The following NCOR2 variants were observed in gnomAD, a reference collection of about 807,000 sequenced individuals.
The protein encoded by NCOR2 is CTG repeat protein 26.
In NCOR2, 81 loss-of-function variants were observed where a neutral mutation model predicts 262.9. The observed-to-expected ratio is 0.31, with a 90% confidence interval of 0.26 to 0.37. The LOEUF is 0.37. Among genes scored for constraint, NCOR2 ranks in the 10% least tolerant of loss-of-function variants. The pLI is 1.00. For synonymous variants in NCOR2, 1,659 were observed against 1,559.3 expected, an observed-to-expected ratio of 1.06 and a Z score of -1.51; for missense variants, 3,385 against 3,621.4, an observed-to-expected ratio of 0.93 and a Z score of 1.68.
In NCOR2 at chr12:124,457,480, G is replaced by A. The variant is rs116978434; in HGVS notation, c.706-318C>T. ...CCCAGGGCCCAGCGACGTGGGCACCGCTCCCCACCAGCCCAGCCGACACTG... is the reference window on the plus strand; with the variant it reads ...CCCAGGGCCCAGCGACGTGGGCACCACTCCCCACCAGCCCAGCCGACACTG... On this transcript the variant is annotated intron_variant, in intron 5 of 46. Transcript: ENST00000405201. This position sits in a 1 kb window ranked among gnomAD's most constrained non-coding sequence, Gnocchi z 4.0. Among the ~76,000 whole-genome samples, 994 of 152,146 alleles carry A rather than the reference G, an allele frequency of 6.5e-3. 28 individuals carry two copies. In the East Asian group the frequency reaches 0.077, roughly 12 times the overall value.
At position 124,482,892 on chromosome 12, in the gene NCOR2, G is replaced by A. The variant is rs1044281596; in HGVS notation, c.411+704C>T. ...CGGTGGCCCAAGGAGCAGCCAGACT[G>A]GGCAGTAGAAGGCGGCTTTGTCATT... On this transcript the variant is annotated intron_variant, in intron 3 of 46. Coordinates refer to ENST00000405201, the Ensembl canonical transcript of NCOR2. The surrounding 1 kb of genome is among the most constrained non-coding windows in gnomAD (Gnocchi z 6.3). Among the ~76,000 whole-genome samples, 6 of 152,192 alleles carry A rather than the reference G, an allele frequency of 3.9e-5. No individual in the cohort carries two copies. Among genetic ancestry groups the A allele is most frequent in the Non-Finnish European group, 7.4e-5 (5 of 68,012 alleles).
chr12:124,352,004 G>A (rs1053235352), intron 27 of NCOR2, among the ~76,000 whole-genome samples: 1 of 152,168 alleles, frequency 6.6e-6, no homozygotes, highest in Non-Finnish European at 1.5e-5. Context: ...TGGTCTTTGC[G>A]GAGGGCAACA....
chr12:124,378,958 C>T lies in NCOR2; in HGVS notation c.2020-574G>A, dbSNP rs1020836552. On this transcript the variant is annotated intron_variant, in intron 17 of 46. Transcript: ENST00000405201. This position sits in a 1 kb window ranked among gnomAD's most constrained non-coding sequence, Gnocchi z 4.2. ...GCCCTGCCGCTGGGGAGACTGGCAA[C>T]GTGCTCCTCACACAGAAGCAGCACT... Among the ~76,000 whole-genome samples, 1 of 26,524 alleles carries T rather than the reference C, an allele frequency of 3.8e-5. No homozygotes were observed. Among genetic ancestry groups the T allele is most frequent in the African/African-American group, 8.9e-5 (1 of 11,254 alleles). The allele number at this position is 26,524 out of a possible 152,430, so 17.4% of individuals were successfully genotyped here. A position where few individuals can be genotyped will look rare whatever the true frequency, so the allele number is the denominator to read the frequency against.
rs896684336 is a variant in NCOR2, at chr12:124,344,768, C to A, written c.4543G>T (p.Ala1515Ser). The A allele has an allele frequency of 1.5e-5, 24 of 1,549,336 alleles. No homozygotes were observed. Among genetic ancestry groups the A allele is most frequent in the East Asian group, 4.9e-5 (2 of 40,992 alleles). The change falls in exon 32 of 47, where the codon GCC (alanine) becomes TCC (serine). Residue 1515 changes from alanine (A) to serine (S), a missense_variant. Coordinates refer to ENST00000405201, the Ensembl canonical transcript of NCOR2. ...GCAATGGAGCCCCCCGAGCTGCTGG[C>A]GGTCCCTGGCCGGCTCTTCAGGCTC...
At chr12:124,417,014 C>T (rs1418519501) in intron 13 of NCOR2, among the ~76,000 whole-genome samples, 1 of 152,176 alleles carries the variant, frequency 6.6e-6, no homozygotes, top group African/African-American at 2.4e-5. Context: ...ACATTCGCTC[C>T]GCCCAGAGCA....
chr12:124,330,172 C>T (rs1049250752), intron 44 of NCOR2, among the ~76,000 whole-genome samples: 6 of 152,210 alleles, frequency 3.9e-5, no homozygotes, highest in African/African-American at 9.6e-5. Context: ...CAGAGGCAGC[C>T]GACCCCAAAA....
chr12:124,450,254 C>A (rs906441335), intron 6 of NCOR2, among the ~76,000 whole-genome samples: 1 of 152,226 alleles, frequency 6.6e-6, no homozygotes, highest in Non-Finnish European at 1.5e-5. Flanking sequence ...TGGAAACGCG[C>A]GTCCCAACGC....
At chr12:124,400,710 C>T (rs367627827) in intron 14 of NCOR2, 37 bp from the exon 17 acceptor site, 8 of 1,602,172 alleles carry the variant, frequency 5.0e-6, no homozygotes, top group Admixed American at 1.7e-5. Context: ...TGGCTTCACC[C>T]GAGCCGGGAA....
intron 17 of NCOR2, 24 bp downstream of exon 19, chr12:124,385,721 G>T: frequency 6.2e-7 from 1 of 1,611,294 alleles, no homozygotes; most frequent in Non-Finnish European, 8.5e-7. Flanking sequence ...CCAGAGGCGC[G>T]GTGCAGCGTG....
At chr12:124,416,699 C>T (rs1236530479) in intron 13 of NCOR2, among the ~76,000 whole-genome samples, 3 of 140,442 alleles carry the variant, frequency 2.1e-5, no homozygotes, top group Non-Finnish European at 4.7e-5. Flanking sequence ...GGAGTCCCCG[C>T]GGCACAGATA....
upstream of NCOR2, among the ~76,000 whole-genome samples, chr12:124,497,695 A>G (rs2048447581): frequency 1.3e-5 from 2 of 152,230 alleles, no homozygotes; most frequent in Non-Finnish European, 2.9e-5. The surrounding 1 kb of genome is among the most constrained non-coding windows in gnomAD (Gnocchi z 4.2). Flanking sequence ...GGACCCCAGG[A>G]AAGGCCGGGT....
At chr12:124,515,437 C>G (rs550862488) in intron 1 of NCOR2, among the ~76,000 whole-genome samples, 1 of 152,106 alleles carries the variant, frequency 6.6e-6, no homozygotes, top group African/African-American at 2.4e-5. Context: ...CCAGCCTCCC[C>G]CAAGAATAAC....
At chr12:124,358,672 G>A (rs868271768) in intron 22 of NCOR2, among the ~76,000 whole-genome samples, 2 of 152,198 alleles carry the variant, frequency 1.3e-5, no homozygotes, top group Non-Finnish European at 2.9e-5. Context: ...ATACTTAGCC[G>A]AGTCAGGATC....
intron 18 of NCOR2, among the ~76,000 whole-genome samples, chr12:124,374,908 C>G (rs1033629816): frequency 2.6e-5 from 4 of 152,228 alleles, no homozygotes; most frequent in Non-Finnish European, 5.9e-5. Context: ...ATTGCCCCCC[C>G]ACCAACCCTC....
intron 38 of NCOR2, chr12:124,336,146 TG>T: frequency 6.1e-6 from 1 of 163,094 alleles, no homozygotes; most frequent in Non-Finnish European, 1.3e-5. Context: ...GTACAGGGGC[TG>T]GGGACAGGGC....
Position 124,504,668 on chromosome 12 carries a change from C to T in NCOR2, c.-117-9300G>A, listed in dbSNP as rs186950280. Among the ~76,000 whole-genome samples, 3 of 152,352 alleles carry T rather than the reference C, an allele frequency of 2.0e-5. No homozygotes were observed. Among genetic ancestry groups the T allele is most frequent in the Admixed American group, 1.3e-4 (2 of 15,302 alleles). ...TCTACTGACAAACAGATGAAACAAA[C>T]GCAGTCTGTCCATCAATGGACTACG... On this transcript the variant is annotated intron_variant, in intron 1 of 46. Coordinates refer to the NCOR2 transcript ENST00000404621. The surrounding 1 kb of genome is among the most constrained non-coding windows in gnomAD (Gnocchi z 4.5).
chr12:124,452,665 G>A (rs975500613), intron 6 of NCOR2, among the ~76,000 whole-genome samples: 19 of 152,252 alleles, frequency 1.2e-4, no homozygotes, highest in Admixed American at 2.0e-4. Flanking sequence ...GTGGGCAGAG[G>A]GGACAGTGCT....
At chr12:124,330,402 G>C (rs2035078221) in intron 44 of NCOR2, among the ~76,000 whole-genome samples, 1 of 152,230 alleles carries the variant, frequency 6.6e-6, no homozygotes, top group Admixed American at 6.5e-5. Flanking sequence ...ATTTGATCTT[G>C]AAAGAAAAAG....
At chr12:124,382,271 G>A (rs577378703) in intron 17 of NCOR2, among the ~76,000 whole-genome samples, 35 of 152,324 alleles carry the variant, frequency 2.3e-4, no homozygotes, top group African/African-American at 7.5e-4. Flanking sequence ...CACCAAGAAC[G>A]GCTACTGTCA....
Sources: gnomAD v4.1 joint callset for allele counts (sites outside exome capture counted in the v4.1 genomes callset) on GRCh38, gnomAD v4.1.1 for gene constraint, Gnocchi (gnomAD v3.1) non-coding constraint, MANE v1.5 for transcripts, NCBI Gene and HGNC (gene_info 2026-07-23, HGNC 2026-07-21) for gene names.